The following NKAIN3 variants were observed in gnomAD, a reference collection of about 807,000 sequenced individuals.
NKAIN3 encodes the protein sodium/potassium transporting ATPase interacting 3.
A neutral mutation model predicts 30.2 loss-of-function variants in NKAIN3; 25 were observed. The ratio of observed to expected loss-of-function variants is 0.83; its 90% CI spans 0.60 to 1.16. The LOEUF is 1.16. Ranked by LOEUF, NKAIN3 falls within the 50% of genes most tolerant of loss-of-function variation. The probability of loss-of-function intolerance (pLI) is 0.00; values close to 1 mark genes in which losing one functional copy is unlikely to be tolerated. For synonymous variants in NKAIN3, 91 were observed against 89.6 expected, an observed-to-expected ratio of 1.02 and a Z score of -0.09; for missense variants, 225 against 254.1, an observed-to-expected ratio of 0.89 and a Z score of 0.78.
chr8:62,610,548 C>T (rs1563482420), intron 3 of NKAIN3, among the ~76,000 whole-genome samples: 1 of 151,986 alleles, frequency 6.6e-6, no homozygotes, highest in South Asian at 2.1e-4. Flanking sequence ...CTCAGAAACT[C>T]AAAGTTTTCT....
chr8:62,396,083 A>G (rs1028043237), intron 1 of NKAIN3, among the ~76,000 whole-genome samples: 1 of 152,226 alleles, frequency 6.6e-6, no homozygotes, highest in Admixed American at 6.5e-5. Context: ...ATAGCACACT[A>G]TACAGACATC....
chr8:62,580,609 A>G (rs1053984578), intron 2 of NKAIN3, among the ~76,000 whole-genome samples: 11 of 152,294 alleles, frequency 7.2e-5, no homozygotes, highest in African/African-American at 1.9e-4. Context: ...GGAAAATAAT[A>G]AAGTTATAAT....
At chr8:62,994,715 A>G (rs1414369596) in intron 5 of NKAIN3, among the ~76,000 whole-genome samples, 2 of 152,212 alleles carry the variant, frequency 1.3e-5, no homozygotes, top group African/African-American at 4.8e-5. Context: ...AACCGAGAGA[A>G]GAGAAATGTA....
chr8:62,877,545 A>G (rs1820837231), intron 4 of NKAIN3, among the ~76,000 whole-genome samples: 1 of 152,216 alleles, frequency 6.6e-6, no homozygotes, highest in South Asian at 2.1e-4. Context: ...ATGGTTTGAC[A>G]TGAAAGGTCA....
At chr8:62,906,919 T>C (rs1821794539) in intron 4 of NKAIN3, among the ~76,000 whole-genome samples, 1 of 152,158 alleles carries the variant, frequency 6.6e-6, no homozygotes, top group Non-Finnish European at 1.5e-5. Flanking sequence ...TACCCAAAGA[T>C]GTATAATCAA....
Position 62,966,450 on chromosome 8 carries a change from A to G in NKAIN3, c.*1043A>G, listed in dbSNP as rs1004926497. ...TTTTTTTAACTGGCATAAAACTTAC[A>G]TATGGTAAAATGCACAAATATTAAT... On this transcript the variant is annotated 3_prime_UTR_variant, in exon 7 of 7. Coordinates refer to ENST00000623646, the MANE Select transcript of NKAIN3 (RefSeq NM_001304533.3). The G allele has an allele frequency of 1.1e-5, 10 of 891,498 alleles. No homozygotes were observed. Among genetic ancestry groups the G allele is most frequent in the African/African-American group, 5.4e-5 (3 of 55,358 alleles). The allele number at this position is 891,498 out of a possible 1,614,324, so 55.2% of individuals were successfully genotyped here. A position where few individuals can be genotyped will look rare whatever the true frequency, so the allele number is the denominator to read the frequency against.
intron 1 of NKAIN3, among the ~76,000 whole-genome samples, chr8:62,564,177 G>A (rs1256064501): frequency 6.6e-6 from 1 of 152,164 alleles, no homozygotes; most frequent in Admixed American, 6.5e-5. Flanking sequence ...GACCTACTTT[G>A]TTCTTCACTT....
At chr8:62,864,590 C>T (rs748687405) in intron 4 of NKAIN3, among the ~76,000 whole-genome samples, 8 of 152,166 alleles carry the variant, frequency 5.3e-5, no homozygotes, top group Non-Finnish European at 1.0e-4. Flanking sequence ...ATTCCCGAGT[C>T]ACAGTTTCCA....
chr8:62,905,217 T>C (rs1031511468), intron 4 of NKAIN3, among the ~76,000 whole-genome samples: 3 of 152,004 alleles, frequency 2.0e-5, no homozygotes, highest in African/African-American at 7.2e-5. Context: ...GAGGGGGTCA[T>C]GGGAAAGCAA....
intron 1 of NKAIN3, among the ~76,000 whole-genome samples, chr8:62,547,074 G>T (rs1441633726): frequency 6.6e-6 from 1 of 152,168 alleles, no homozygotes; most frequent in Non-Finnish European, 1.5e-5. Context: ...CTCACTTGAG[G>T]AGGGCAGACA....
chr8:62,806,909 G>A (rs143419463), intron 4 of NKAIN3, among the ~76,000 whole-genome samples: 211 of 152,064 alleles, frequency 1.4e-3, no homozygotes, highest in African/African-American at 4.8e-3. Context: ...ACCAAGCAGG[G>A]GACTAATTCC....
intron 4 of NKAIN3, among the ~76,000 whole-genome samples, chr8:62,751,814 C>CTGTGTGTG (rs3032932): frequency 0.021 from 3,058 of 146,654 alleles, 52 homozygotes; most frequent in Non-Finnish European, 0.03. Flanking sequence ...TACTAAAAAA[C>CTGTGTGTG]TGTGTGTGTG....
At chr8:62,459,038 GT>G (rs1249368926) in intron 1 of NKAIN3, among the ~76,000 whole-genome samples, 1 of 141,128 alleles carries the variant, frequency 7.1e-6, no homozygotes, top group African/African-American at 2.7e-5. Flanking sequence ...AAAAGGTAGA[GT>G]TTATGTGTGT....
chr8:62,261,540 C>T (rs1016373231), intron 1 of NKAIN3, among the ~76,000 whole-genome samples: 1 of 152,200 alleles, frequency 6.6e-6, no homozygotes, highest in Non-Finnish European at 1.5e-5. Flanking sequence ...CACCTGTTGG[C>T]ATCATTGGTC....
intron 4 of NKAIN3, among the ~76,000 whole-genome samples, chr8:62,831,546 T>C (rs1368621736): frequency 6.6e-6 from 1 of 152,146 alleles, no homozygotes; most frequent in Non-Finnish European, 1.5e-5. Context: ...TCAGAGCTTT[T>C]GGAATTGACA....
At chr8:62,859,209 G>T (rs1375270547) in intron 4 of NKAIN3, among the ~76,000 whole-genome samples, 1 of 152,090 alleles carries the variant, frequency 6.6e-6, no homozygotes, top group African/African-American at 2.4e-5. Flanking sequence ...ACACCCAGGT[G>T]GGCCATCGCC....
rs556167387 is a variant in NKAIN3, at chr8:62,895,261, G to T, written c.472-23192G>T. On this transcript the variant is annotated intron_variant, in intron 4 of 6. Transcript: ENST00000623646. ...CCTCCACATTCATTAGATTTCAGTG[G>T]TACCAAAACCAAAGGCCAAAGGCCA... Among the ~76,000 whole-genome samples the T allele has an allele frequency of 4.6e-5, 7 of 152,224 alleles. No individual in the cohort carries two copies. In the South Asian group the frequency reaches 1.2e-3, roughly 27 times the overall value.
intron 3 of NKAIN3, among the ~76,000 whole-genome samples, chr8:62,632,118 C>A (rs1310989134): frequency 2.6e-5 from 4 of 152,144 alleles, no homozygotes; most frequent in Non-Finnish European, 5.9e-5. Flanking sequence ...GGTGGCCTCT[C>A]AGTGGCTATC....
At chr8:62,919,127 C>A (rs1822195178) in intron 5 of NKAIN3, among the ~76,000 whole-genome samples, 1 of 150,516 alleles carries the variant, frequency 6.6e-6, no homozygotes, top group Non-Finnish European at 1.5e-5. Context: ...GCTTTAGCAC[C>A]ATAGGTCAAC....
Sources: allele counts gnomAD v4.1 joint callset (sites outside exome capture counted in the v4.1 genomes callset), GRCh38; gene constraint gnomAD v4.1.1; transcripts MANE v1.5; gene names NCBI Gene and HGNC (gene_info 2026-07-23, HGNC 2026-07-21).